Variants in RAB7A observed in about 807,000 individuals in gnomAD.
The protein encoded by RAB7A is ras-related protein Rab-7a.
Under a neutral mutation model 24.5 loss-of-function variants are expected in RAB7A, and 2 were observed. That is an observed-to-expected ratio of 0.08 (90% CI 0.03 to 0.26). The LOEUF (loss-of-function observed/expected upper bound fraction) is 0.26. Ranked by LOEUF, RAB7A falls within the 10% of genes least tolerant of loss-of-function variation. RAB7A has a pLI of 1.00. For synonymous variants in RAB7A, 100 were observed against 95.9 expected (o/e 1.04, Z -0.25); for missense variants, 118 against 255.7 (o/e 0.46, Z 3.67).
chr3:128,795,488 A>G, intron 2 of RAB7A, 68 bp downstream of exon 2: 1 of 1,420,388 alleles, frequency 7.0e-7, no homozygotes, highest in Admixed American at 1.7e-5. Flanking sequence ...TGGAGCCCAC[A>G]CTGTCCGTGC....
intron 1 of RAB7A, among the ~76,000 whole-genome samples, chr3:128,737,100 C>T (rs566652695): frequency 1.1e-4 from 17 of 148,048 alleles, no homozygotes; most frequent in South Asian, 1.1e-3. Flanking sequence ...TGCAGTGGCG[C>T]GATCTTGGCT....
chr3:128,790,649 C>T (rs950017803), intron 1 of RAB7A, among the ~76,000 whole-genome samples: 2 of 152,092 alleles, frequency 1.3e-5, no homozygotes, highest in East Asian at 1.9e-4. Context: ...CATCTTTTTG[C>T]CACTGAATTT....
chr3:128,750,415 C>A (rs950605309), intron 1 of RAB7A, among the ~76,000 whole-genome samples: 1 of 152,116 alleles, frequency 6.6e-6, no homozygotes, highest in African/African-American at 2.4e-5. Context: ...GTGCCCGCCA[C>A]CACGCCCAGC....
At chr3:128,766,686 CAT>C (rs2070834780) in intron 1 of RAB7A, among the ~76,000 whole-genome samples, 3 of 152,092 alleles carry the variant, frequency 2.0e-5, no homozygotes, top group African/African-American at 7.2e-5. Flanking sequence ...TAGGAATGGT[CAT>C]GTGTGTGTGT....
At chr3:128,765,459 C>G (rs1165591340) in intron 1 of RAB7A, among the ~76,000 whole-genome samples, 1 of 152,338 alleles carries the variant, frequency 6.6e-6, no homozygotes, top group East Asian at 1.9e-4. Context: ...CTTACATCTT[C>G]AGTTAACCTC....
chr3:128,778,033 T>C (rs1161064536), intron 1 of RAB7A, among the ~76,000 whole-genome samples: 2 of 152,156 alleles, frequency 1.3e-5, no homozygotes, highest in African/African-American at 4.8e-5. Flanking sequence ...GTATTTTTAT[T>C]GTGTGTCAGG....
In RAB7A at chr3:128,806,494, C is replaced by T. The variant is rs1330762947; in HGVS notation, c.303C>T (p.Ser101=). The T allele has an allele frequency of 1.2e-6, 2 of 1,613,986 alleles. No individual in the cohort carries two copies. Among genetic ancestry groups the T allele is most frequent in the African/African-American group, 2.7e-5 (2 of 74,920 alleles). ...CCAACACATTCAAAACCCTAGATAGCTGGAGAGATGAGTTTCTCATCCAGG... is the reference window on the plus strand; with the variant it reads ...CCAACACATTCAAAACCCTAGATAGTTGGAGAGATGAGTTTCTCATCCAGG... ...TAPNTFKTLD[S]WRDEFLIQAS... The change falls in exon 4 of 6, where the codon AGC becomes AGT. Residue 101 remains serine (S), a synonymous_variant. Coordinates refer to ENST00000265062, the MANE Select transcript of RAB7A (RefSeq NM_004637.6).
At chr3:128,757,110 G>T (rs754750023) in intron 1 of RAB7A, among the ~76,000 whole-genome samples, 1 of 152,140 alleles carries the variant, frequency 6.6e-6, no homozygotes, top group Non-Finnish European at 1.5e-5. Flanking sequence ...CTCCCAAAGT[G>T]CTGGGATTGC....
At chr3:128,781,967 C>T (rs532436156) in intron 1 of RAB7A, among the ~76,000 whole-genome samples, 16 of 152,146 alleles carry the variant, frequency 1.1e-4, no homozygotes, top group African/African-American at 2.7e-4. Flanking sequence ...GAGCCAAGAT[C>T]GCGCCACTGC....
At chr3:128,767,225 C>T (rs2070840825) in intron 1 of RAB7A, among the ~76,000 whole-genome samples, 2 of 152,292 alleles carry the variant, frequency 1.3e-5, no homozygotes, top group East Asian at 1.9e-4. Flanking sequence ...GTTTGAGTCA[C>T]AGAATACAAG....
At chr3:128,788,295 G>A (rs910508390) in intron 1 of RAB7A, among the ~76,000 whole-genome samples, 15 of 152,138 alleles carry the variant, frequency 9.9e-5, no homozygotes, top group Non-Finnish European at 2.1e-4. Context: ...GACTTAATAA[G>A]GAAAGTGAAA....
At position 128,794,283 on chromosome 3, in the gene RAB7A, A is replaced by C. The variant is rs573207886; in HGVS notation, c.-8-1077A>C. 3.3e-5 allele frequency among the ~76,000 whole-genome samples: 5 copies of C among 152,260 alleles called. No individual in the cohort carries two copies. In the South Asian group the frequency reaches 6.2e-4, roughly 19 times the overall value. On this transcript the variant is annotated intron_variant, in intron 1 of 5. Transcript: ENST00000265062. Reference sequence around the variant, plus strand: ...ATTTACTAGTCATCTGCTGTATTCTAGTTACTGTCCTGAGCATTTTATTTA... The same window carrying C: ...ATTTACTAGTCATCTGCTGTATTCTCGTTACTGTCCTGAGCATTTTATTTA...
At chr3:128,807,119 G>T (rs532020043) in intron 4 of RAB7A, among the ~76,000 whole-genome samples, 5 of 152,226 alleles carry the variant, frequency 3.3e-5, no homozygotes, top group Non-Finnish European at 5.9e-5. Flanking sequence ...ATGAGAATGT[G>T]TGAGTGGCAT....
At chr3:128,807,861 A>G (rs1213793391) in intron 5 of RAB7A, among the ~76,000 whole-genome samples, 190 bp downstream of exon 5, 1 of 152,094 alleles carries the variant, frequency 6.6e-6, no homozygotes, top group Non-Finnish European at 1.5e-5. Context: ...CTTTGGGGGG[A>G]ATAATATAAA....
intron 5 of RAB7A, among the ~76,000 whole-genome samples, chr3:128,810,864 G>A (rs770296199): frequency 6.6e-6 from 1 of 152,278 alleles, no homozygotes; most frequent in Non-Finnish European, 1.5e-5. Context: ...GACCAGCCTG[G>A]CCAACATTGT....
At chr3:128,777,158 C>T (rs989146525) in intron 1 of RAB7A, among the ~76,000 whole-genome samples, 3 of 152,088 alleles carry the variant, frequency 2.0e-5, no homozygotes, top group Admixed American at 1.3e-4. Flanking sequence ...TCTCCCATTT[C>T]GTAGATTATC....
At chr3:128,809,017 T>G (rs1036594724) in intron 5 of RAB7A, among the ~76,000 whole-genome samples, 2 of 152,162 alleles carry the variant, frequency 1.3e-5, no homozygotes, top group African/African-American at 4.8e-5. Context: ...AGATGCAGAC[T>G]TGGCCACGCT....
At chr3:128,810,520 C>T (rs1933901217) in intron 5 of RAB7A, among the ~76,000 whole-genome samples, 1 of 152,186 alleles carries the variant, frequency 6.6e-6, no homozygotes, top group African/African-American at 2.4e-5. Context: ...GCACATGTTT[C>T]TGGTGAGGGT....
intron 1 of RAB7A, among the ~76,000 whole-genome samples, chr3:128,786,259 T>C (rs1459715006): frequency 1.3e-5 from 2 of 152,230 alleles, no homozygotes; most frequent in Non-Finnish European, 2.9e-5. Flanking sequence ...TCTTGCTGTT[T>C]CAGGGGGTCT....
Sources: allele counts gnomAD v4.1 joint callset (sites outside exome capture counted in the v4.1 genomes callset), GRCh38; gene constraint gnomAD v4.1.1; transcripts MANE v1.5; gene names NCBI Gene and HGNC (gene_info 2026-07-23, HGNC 2026-07-21).